The following TSC22D1 variants were observed in gnomAD, a reference collection of about 807,000 sequenced individuals.
TSC22D1 encodes TSC22 domain family protein 1.
Under a neutral mutation model 74.2 loss-of-function variants are expected in TSC22D1, and 9 were observed. The ratio of observed to expected loss-of-function variants is 0.12; its 90% CI spans 0.07 to 0.21. The LOEUF (loss-of-function observed/expected upper bound fraction) is 0.21. Among genes scored for constraint, TSC22D1 ranks in the 10% least tolerant of loss-of-function variants. The pLI is 1.00. For synonymous variants in TSC22D1, 586 were observed against 492.5 expected, an observed-to-expected ratio of 1.19 and a Z score of -2.51; for missense variants, 1,427 against 1,304.7, an observed-to-expected ratio of 1.09 and a Z score of -1.44.
chr13:44,446,645 CTA>C (rs1875665237), intron 1 of TSC22D1, among the ~76,000 whole-genome samples: 1 of 151,638 alleles, frequency 6.6e-6, no homozygotes, highest in African/African-American at 2.4e-5. Context: ...ACAAACAACA[CTA>C]TTGCTGTACA....
intron 1 of TSC22D1, among the ~76,000 whole-genome samples, chr13:44,441,516 G>C (rs777448956): frequency 1.3e-5 from 2 of 152,106 alleles, no homozygotes; most frequent in Non-Finnish European, 2.9e-5. Context: ...TGCATGGCAG[G>C]AATGGTTTAA....
Position 44,576,200 on chromosome 13 carries a change from C to A in TSC22D1, c.-126G>T. The A allele has an allele frequency of 7.5e-7, 1 of 1,341,936 alleles. No individual in the cohort carries two copies. The highest frequency in any genetic ancestry group is 9.8e-7 in the Non-Finnish European group (1 of 1,018,216). 83.1% of individuals were successfully genotyped at this position (1,341,936 alleles called of 1,614,324 possible). A position where few individuals can be genotyped will look rare whatever the true frequency, so the allele number is the denominator to read the frequency against. ...CCGCCTGGCGCGATTCCTCCTTCTC[C>A]TCCTCCTCAGCCAAAGGCGCCGGTC... is the stretch of plus-strand genomic sequence containing the variant. On this transcript the variant is annotated 5_prime_UTR_variant, in exon 1 of 3. It adds an upstream start codon to the 5' untranslated region. Transcript: ENST00000458659.
chr13:44,509,467 C>T (rs1392456629), intron 1 of TSC22D1, among the ~76,000 whole-genome samples: 1 of 152,108 alleles, frequency 6.6e-6, no homozygotes, highest in Non-Finnish European at 1.5e-5. Flanking sequence ...GGTGAAACCC[C>T]GTCTCTATTA....
At chr13:44,465,052 A>G (rs1174030277) in intron 1 of TSC22D1, among the ~76,000 whole-genome samples, 1 of 152,138 alleles carries the variant, frequency 6.6e-6, no homozygotes, top group East Asian at 1.9e-4. Context: ...GTTGACCCCC[A>G]CCGTGTTTTC....
In TSC22D1 at chr13:44,517,940, C is replaced by G. The variant is rs540940321; in HGVS notation, c.2912+55223G>C. On this transcript the variant is annotated intron_variant, in intron 1 of 2. Transcript: ENST00000458659. The stretch of plus-strand genomic sequence containing the variant: ...GCAGGATCACAGCTCACTGCAGACA[C>G]GGACCTCCCAGGCTCAAGCAATCCT... Among the ~76,000 whole-genome samples, 49 of 139,732 alleles carry G rather than the reference C, an allele frequency of 3.5e-4. No individual in the cohort carries two copies. The South Asian group carries it at 6.5e-3, about 19-fold the overall frequency. 91.7% of individuals were successfully genotyped at this position (139,732 alleles called of 152,430 possible).
intron 1 of TSC22D1, among the ~76,000 whole-genome samples, chr13:44,453,754 T>C (rs1876344907): frequency 6.6e-6 from 1 of 152,354 alleles, no homozygotes; most frequent in African/African-American, 2.4e-5. Flanking sequence ...ATGTTACTTC[T>C]AGTCATCATG....
At chr13:44,559,456 G>A (rs184133987) in intron 1 of TSC22D1, among the ~76,000 whole-genome samples, 1 of 152,194 alleles carries the variant, frequency 6.6e-6, no homozygotes, top group Admixed American at 6.5e-5. Flanking sequence ...TTCCTCAACA[G>A]GAAGATGTAC....
rs536851003 is a variant in TSC22D1 at position 44,432,318 on chromosome 13, C to T, written c.*2308G>A. 190 of 152,246 alleles carry T rather than the reference C, an allele frequency of 1.2e-3. 1 individual carries two copies. The highest frequency in any genetic ancestry group is 4.4e-3 in the African/African-American group (183 of 41,556). 9.4% of individuals were successfully genotyped at this position (152,246 alleles called of 1,614,324 possible). ...AGATTTTTCAAATTTTCCACGATTA[C>T]CACCTATGGTATTTTAAAGATCTTC... On this transcript the variant is annotated 3_prime_UTR_variant, in exon 3 of 3. Coordinates refer to ENST00000458659, the MANE Select transcript of TSC22D1 (RefSeq NM_183422.4).
chr13:44,569,902 T>C (rs757040616), intron 1 of TSC22D1, among the ~76,000 whole-genome samples: 16 of 152,144 alleles, frequency 1.1e-4, no homozygotes, highest in Admixed American at 8.5e-4. Context: ...TTGAGGAACA[T>C]CTAGTCTTGT....
At chr13:44,437,440 G>C (rs1874808824) in intron 1 of TSC22D1, 1 of 189,004 alleles carries the variant, frequency 5.3e-6, no homozygotes, top group South Asian at 1.8e-4. Flanking sequence ...AATCACATTT[G>C]CTCTTTGAGA....
chr13:44,496,171 C>G (rs1295757630), intron 1 of TSC22D1, among the ~76,000 whole-genome samples: 2 of 152,046 alleles, frequency 1.3e-5, no homozygotes, highest in Non-Finnish European at 2.9e-5. Flanking sequence ...GGGTATACAC[C>G]TGGGAGTGGA....
At position 44,536,133 on chromosome 13, in the gene TSC22D1, C is replaced by G. The variant is rs995045277; in HGVS notation, c.2912+37030G>C. 4.6e-5 allele frequency among the ~76,000 whole-genome samples: 7 copies of G among 151,846 alleles called. No homozygotes were observed. In the East Asian group the frequency reaches 1.3e-3, roughly 29 times the overall value. On this transcript the variant is annotated intron_variant, in intron 1 of 2. Coordinates refer to ENST00000458659, the MANE Select transcript of TSC22D1 (RefSeq NM_183422.4). ...ATGTTAGCTTCCTTTCCCCCACCCC[C>G]AATACAACAGCTATTCTAAATCATA...
chr13:44,507,214 C>G (rs986123753), intron 1 of TSC22D1, among the ~76,000 whole-genome samples: 12 of 152,100 alleles, frequency 7.9e-5, no homozygotes, highest in Admixed American at 6.5e-4. Context: ...AAGGAGATAA[C>G]CTTTTATACC....
rs1874346194 is a variant in TSC22D1 at position 44,434,463 on chromosome 13, A to T, written c.*163T>A. 11 of 1,382,790 alleles carry T rather than the reference A, an allele frequency of 8.0e-6. No individual in the cohort carries two copies. Among genetic ancestry groups the T allele is most frequent in the Non-Finnish European group, 9.3e-6 (10 of 1,075,752 alleles). 85.7% of individuals were successfully genotyped at this position (1,382,790 alleles called of 1,614,324 possible). A position where few individuals can be genotyped will look rare whatever the true frequency, so the allele number is the denominator to read the frequency against. On this transcript the variant is annotated 3_prime_UTR_variant, in exon 3 of 3. Transcript: ENST00000458659. The stretch of plus-strand genomic sequence containing the variant: ...AGAAATTTCTCCAAGCCATAAGCAT[A>T]TGAGTGTTTAATACTGGAAAAGAGA...
intron 1 of TSC22D1, among the ~76,000 whole-genome samples, chr13:44,561,041 T>C (rs1420002959): frequency 3.9e-5 from 6 of 152,110 alleles, no homozygotes; most frequent in Non-Finnish European, 1.5e-5. Flanking sequence ...AGAAATGCTA[T>C]GCAAAAATAC....
intron 1 of TSC22D1, among the ~76,000 whole-genome samples, chr13:44,540,518 A>T (rs1881404699): frequency 1.3e-5 from 2 of 152,190 alleles, no homozygotes; most frequent in African/African-American, 4.8e-5. Context: ...TGTCACTGAA[A>T]AGATTTATTC....
intron 1 of TSC22D1, chr13:44,538,102 C>A (rs1190155052): frequency 7.1e-6 from 7 of 985,184 alleles, no homozygotes; most frequent in Non-Finnish European, 7.2e-6. Context: ...TTCACACCTA[C>A]AGGCTTATTC....
intron 1 of TSC22D1, among the ~76,000 whole-genome samples, chr13:44,441,138 G>A (rs1338281541): frequency 1.3e-5 from 2 of 152,188 alleles, no homozygotes; most frequent in African/African-American, 2.4e-5. Context: ...AAGGGAATCA[G>A]CAGGCTGGAG....
At chr13:44,453,546 G>A (rs1876328939) in intron 1 of TSC22D1, among the ~76,000 whole-genome samples, 1 of 152,180 alleles carries the variant, frequency 6.6e-6, no homozygotes. Context: ...AAATCTGATA[G>A]TGGTCAGACA....
Sources: allele counts gnomAD v4.1 joint callset (sites outside exome capture counted in the v4.1 genomes callset), GRCh38; gene constraint gnomAD v4.1.1; transcripts MANE v1.5; gene names NCBI Gene and HGNC (gene_info 2026-07-23, HGNC 2026-07-21).